SPECC1L: variants seen among roughly 807,000 people sequenced by gnomAD.
The protein encoded by SPECC1L is cytospin-A.
Under a neutral mutation model 116.8 loss-of-function variants are expected in SPECC1L, and 40 were observed. That is an observed-to-expected ratio of 0.34 (90% confidence interval 0.27 to 0.45). The LOEUF (loss-of-function observed/expected upper bound fraction) is 0.45, where lower values mean the gene tolerates loss of function less well. Ranked by LOEUF, SPECC1L falls within the 20% of genes least tolerant of loss-of-function variation. The pLI is 1.00. For synonymous variants in SPECC1L, 504 were observed against 500.6 expected, an observed-to-expected ratio of 1.01 and a Z score of -0.09; for missense variants, 1,110 against 1,373.6, an observed-to-expected ratio of 0.81 and a Z score of 3.03.
intron 6 of SPECC1L, among the ~76,000 whole-genome samples, chr22:24,326,935 G>A (rs1338317889): frequency 6.6e-6 from 1 of 152,052 alleles, no homozygotes; most frequent in Non-Finnish European, 1.5e-5. Flanking sequence ...TATAATTGTT[G>A]TAAATATTCT....
At chr22:24,314,408 A>T (rs1159400524) in intron 4 of SPECC1L, among the ~76,000 whole-genome samples, 1 of 152,236 alleles carries the variant, frequency 6.6e-6, no homozygotes, top group Non-Finnish European at 1.5e-5. Flanking sequence ...GAAATAACTG[A>T]TAATCATTCC....
intron 1 of SPECC1L, among the ~76,000 whole-genome samples, chr22:24,271,214 C>G (rs1481274384): frequency 6.6e-6 from 1 of 152,256 alleles, no homozygotes; most frequent in Non-Finnish European, 1.5e-5. Flanking sequence ...GCTTCGCCGC[C>G]GAGACCCACT....
chr22:24,379,296 A>G (rs1479081392), intron 14 of SPECC1L, among the ~76,000 whole-genome samples: 1 of 151,784 alleles, frequency 6.6e-6, no homozygotes, highest in African/African-American at 2.4e-5. Context: ...CAGGAGGATT[A>G]CTTGAGCCGG....
At chr22:24,292,615 T>A (rs1443710239) in intron 2 of SPECC1L, among the ~76,000 whole-genome samples, 1 of 152,126 alleles carries the variant, frequency 6.6e-6, no homozygotes, top group Non-Finnish European at 1.5e-5. Flanking sequence ...ACCTTTAAGT[T>A]CAGTTCTCTA....
intron 4 of SPECC1L, among the ~76,000 whole-genome samples, chr22:24,317,273 C>G (rs909400681): frequency 2.6e-5 from 3 of 114,974 alleles, no homozygotes; most frequent in South Asian, 2.8e-4. Flanking sequence ...TGACCCCCCC[C>G]ACCTCCCTCC....
chr22:24,372,934 A>T lies in SPECC1L; in HGVS notation c.3087+3614A>T, dbSNP rs561722980. ...TAGGCAACTTCAGCAAAGTCTCAGGATACAAAATCAATGTGCAAAAATCAC... is the reference window on the plus strand; with the variant it reads ...TAGGCAACTTCAGCAAAGTCTCAGGTTACAAAATCAATGTGCAAAAATCAC... On this transcript the variant is annotated intron_variant, in intron 14 of 16. Transcript: ENST00000314328. 1.3e-3 allele frequency among the ~76,000 whole-genome samples: 203 copies of T among 152,368 alleles called. 3 individuals are homozygous for T. Among genetic ancestry groups the T allele is most frequent in the Admixed American group, 0.013 (202 of 15,300 alleles).
intron 14 of SPECC1L, among the ~76,000 whole-genome samples, chr22:24,390,872 C>CTTTTCTTTTTTTTTT (rs2042253331): frequency 1.8e-5 from 1 of 57,112 alleles, no homozygotes; most frequent in African/African-American, 7.6e-5. Context: ...TTTTTCTTTT[C>CTTTTCTTTTTTTTTT]TTTTTTTTTT....
At chr22:24,370,537 CAG>C (rs745910917) in intron 14 of SPECC1L, among the ~76,000 whole-genome samples, 7 of 152,078 alleles carry the variant, frequency 4.6e-5, no homozygotes, top group Admixed American at 6.6e-5. Context: ...AAAAAGTAAA[CAG>C]AATTACCATA....
intron 10 of SPECC1L, among the ~76,000 whole-genome samples, chr22:24,341,739 C>T (rs977645403): frequency 6.6e-6 from 1 of 152,212 alleles, no homozygotes; most frequent in Admixed American, 6.5e-5. Flanking sequence ...GTTATCACTG[C>T]TAAAATCGTT....
In SPECC1L at chr22:24,374,098, C is replaced by T. The variant is rs1282845669; in HGVS notation, c.3087+4778C>T. ...TACCATCTCACACCAGTTAGAATGG[C>T]GATCATTAAAAAGTCAGGAAACAAC... On this transcript the variant is annotated intron_variant, in intron 14 of 16. Coordinates refer to ENST00000314328, the MANE Select transcript of SPECC1L (RefSeq NM_015330.6). 2.6e-5 allele frequency among the ~76,000 whole-genome samples: 4 copies of T among 151,790 alleles called. 1 individual carries two copies. Among genetic ancestry groups the T allele is most frequent in the South Asian group, 4.2e-4 (2 of 4,798 alleles).
chr22:24,332,010 G>T (rs935358887), intron 8 of SPECC1L, among the ~76,000 whole-genome samples: 7 of 152,220 alleles, frequency 4.6e-5, no homozygotes, highest in African/African-American at 1.7e-4. Flanking sequence ...GTGAGGTCAC[G>T]TTGAGGAAAG....
At chr22:24,314,134 T>G (rs1194203263) in intron 4 of SPECC1L, among the ~76,000 whole-genome samples, 1 of 152,096 alleles carries the variant, frequency 6.6e-6, no homozygotes, top group Non-Finnish European at 1.5e-5. Flanking sequence ...AAGCTTCGCC[T>G]CCTGGGTTGA....
At chr22:24,328,419 T>C (rs2146501457) in intron 6 of SPECC1L, among the ~76,000 whole-genome samples, 1 of 152,318 alleles carries the variant, frequency 6.6e-6, no homozygotes, top group East Asian at 1.9e-4. Flanking sequence ...ATTTTGATTT[T>C]ACTAATTCAC....
intron 14 of SPECC1L, among the ~76,000 whole-genome samples, chr22:24,405,967 AGT>A (rs980435175): frequency 8.5e-5 from 13 of 152,128 alleles, no homozygotes; most frequent in African/African-American, 3.1e-4. Context: ...GTGCCCAGGA[AGT>A]GTCAAACCTG....
chr22:24,299,930 T>C (rs1374356305), intron 2 of SPECC1L, among the ~76,000 whole-genome samples: 1 of 152,238 alleles, frequency 6.6e-6, no homozygotes, highest in East Asian at 1.9e-4. Context: ...ATTCTTTTTA[T>C]CTCTATAGAT....
intron 14 of SPECC1L, among the ~76,000 whole-genome samples, chr22:24,394,525 C>T (rs1424082637): frequency 6.6e-6 from 1 of 152,140 alleles, no homozygotes; most frequent in African/African-American, 2.4e-5. Context: ...ATATTCAGTC[C>T]ATTGCATATG....
chr22:24,374,858 TAAAATAG>T (rs1439849907), intron 14 of SPECC1L, among the ~76,000 whole-genome samples: 7 of 143,066 alleles, frequency 4.9e-5, no homozygotes, highest in African/African-American at 1.6e-4. Context: ...CCAAAATAAA[TAAAATAG>T]AAAATAGAAA....
At chr22:24,311,927 C>T in intron 3 of SPECC1L, among the ~76,000 whole-genome samples, 2 of 125,552 alleles carry the variant, frequency 1.6e-5, no homozygotes, top group Admixed American at 9.5e-5. Context: ...GAGTTGAATT[C>T]TGTTTAATTC....
chr22:24,271,628 TA>T (rs1569396550), intron 1 of SPECC1L, among the ~76,000 whole-genome samples: 1 of 152,254 alleles, frequency 6.6e-6, no homozygotes. Context: ...TAGTTAAGTC[TA>T]AGACATCATA....
Sources: allele counts gnomAD v4.1 joint callset (sites outside exome capture counted in the v4.1 genomes callset), GRCh38; gene constraint gnomAD v4.1.1; transcripts MANE v1.5; gene names NCBI Gene and HGNC (gene_info 2026-07-23, HGNC 2026-07-21).